The following NTN1 variants were observed in gnomAD, a reference collection of about 807,000 sequenced individuals.
The protein encoded by NTN1 is netrin-1.
Under a neutral mutation model 54.2 loss-of-function variants are expected in NTN1, and 11 were observed. The ratio of observed to expected loss-of-function variants is 0.20; its 90% CI spans 0.13 to 0.34. NTN1 has a LOEUF of 0.34. Among genes scored for constraint, NTN1 ranks in the 10% least tolerant of loss-of-function variants. The pLI, the probability that NTN1 is intolerant of heterozygous loss-of-function variation, is 1.00. For missense variants in NTN1, 740 were observed against 893.1 expected (o/e 0.83, Z 2.18); for synonymous variants, 371 against 382.0 (o/e 0.97, Z 0.33).
At chr17:9,124,595 T>A (rs1260722070) in intron 2 of NTN1, among the ~76,000 whole-genome samples, 2 of 152,216 alleles carry the variant, frequency 1.3e-5, no homozygotes, top group African/African-American at 4.8e-5. Flanking sequence ...GGGGCTCTGA[T>A]GGTGAACTGG....
At position 9,061,673 on chromosome 17, in the gene NTN1, TTTG is replaced by T. The variant is rs970860517; in HGVS notation, c.1018+38297_1018+38299del. On this transcript the variant is annotated intron_variant, in intron 2 of 6. Transcript: ENST00000173229. ...GCGATGGGCATCCAGGAGCAGTTTTTTTGTTGTTGTTGTTGTTTTTGTTTTATT... is the reference window on the plus strand; with the variant it reads ...GCGATGGGCATCCAGGAGCAGTTTTTTTGTTGTTGTTGTTTTTGTTTTATT... Among the ~76,000 whole-genome samples the T allele has an allele frequency of 4.0e-5, 6 of 151,780 alleles. No homozygotes were observed. In the East Asian group the frequency reaches 5.8e-4, roughly 15 times the overall value.
rs2277673 is a variant in NTN1 at position 9,242,701 on chromosome 17, T to C, written c.*2733T>C. On this transcript the variant is annotated 3_prime_UTR_variant, in exon 7 of 7. Transcript: ENST00000173229. ...TGCGTCAGGGTGACCAGATCCACCATGCTAGCAGCCAGGTCACTGTTGGGA... is the reference window on the plus strand; with the variant it reads ...TGCGTCAGGGTGACCAGATCCACCACGCTAGCAGCCAGGTCACTGTTGGGA... 1 of 152,416 alleles carries C rather than the reference T, an allele frequency of 6.6e-6. No individual in the cohort carries two copies. The highest frequency in any genetic ancestry group is 1.9e-4 in the East Asian group (1 of 5,162). The allele number at this position is 152,416 out of a possible 1,614,324, so 9.4% of individuals were successfully genotyped here. A position where few individuals can be genotyped will look rare whatever the true frequency, so the allele number is the denominator to read the frequency against.
chr17:9,102,661 GAC>G (rs139790501), intron 2 of NTN1, among the ~76,000 whole-genome samples: 11,429 of 152,260 alleles, frequency 0.075, 610 homozygotes, highest in Non-Finnish European at 0.11. Context: ...TTTACCAAGA[GAC>G]ATGTGTTAGG....
At chr17:9,146,850 G>T (rs2142285231) in intron 2 of NTN1, among the ~76,000 whole-genome samples, 1 of 152,308 alleles carries the variant, frequency 6.6e-6, no homozygotes, top group Admixed American at 6.5e-5. Flanking sequence ...CACTGGGGTT[G>T]CTTACTGTCC....
intron 2 of NTN1, among the ~76,000 whole-genome samples, chr17:9,043,827 G>A (rs2091931566): frequency 6.6e-6 from 1 of 151,926 alleles, no homozygotes; most frequent in Non-Finnish European, 1.5e-5. Flanking sequence ...TGATCCACCC[G>A]CCTCGGCTTC....
intron 5 of NTN1, among the ~76,000 whole-genome samples, chr17:9,202,563 G>C (rs7215049): frequency 1.3e-5 from 2 of 152,150 alleles, no homozygotes; most frequent in Admixed American, 6.5e-5. Flanking sequence ...CCGGTGGGGG[G>C]ACTTCAGTAT....
chr17:9,114,961 C>T (rs559620225), intron 2 of NTN1, among the ~76,000 whole-genome samples: 3 of 152,302 alleles, frequency 2.0e-5, no homozygotes, highest in African/African-American at 7.2e-5. Context: ...TTTCTAGAAC[C>T]TGACATGGTG....
At chr17:9,027,582 T>G (rs1225677050) in intron 2 of NTN1, among the ~76,000 whole-genome samples, 2 of 152,234 alleles carry the variant, frequency 1.3e-5, no homozygotes, top group Non-Finnish European at 2.9e-5. Context: ...GGAGAAAGGC[T>G]GGAACAACCT....
chr17:9,132,041 T>C (rs1303274090), intron 2 of NTN1, among the ~76,000 whole-genome samples: 1 of 151,972 alleles, frequency 6.6e-6, no homozygotes, highest in Non-Finnish European at 1.5e-5. Context: ...TGATGCCCAT[T>C]TGATGAATGA....
chr17:9,163,499 C>T (rs2092364961), intron 3 of NTN1, among the ~76,000 whole-genome samples: 1 of 16,116 alleles, frequency 6.2e-5, no homozygotes, highest in Non-Finnish European at 1.5e-4. Flanking sequence ...CACACACACA[C>T]ACACACACAC....
rs368315709 is a variant in NTN1 at position 9,035,147 on chromosome 17, T to C, written c.1018+11756T>C. Among the ~76,000 whole-genome samples the C allele has an allele frequency of 5.5e-3, 834 of 152,056 alleles. 2 individuals carry two copies. The highest frequency in any genetic ancestry group is 8.5e-3 in the Non-Finnish European group (578 of 67,950). On this transcript the variant is annotated intron_variant, in intron 2 of 6. Transcript: ENST00000173229. ...ATTTTTAGTAGAGACGGGGTTTCAC[T>C]GTGTTAGCCAGGATGGTCTCGATCT...
intron 2 of NTN1, among the ~76,000 whole-genome samples, chr17:9,090,631 A>AT (rs749716852): frequency 3.9e-5 from 6 of 152,100 alleles, no homozygotes; most frequent in Non-Finnish European, 8.8e-5. Flanking sequence ...GCCACTCAGG[A>AT]GACCTTGCTA....
chr17:9,222,829 A>G (rs1905405356), intron 6 of NTN1, among the ~76,000 whole-genome samples: 2 of 152,226 alleles, frequency 1.3e-5, no homozygotes, highest in African/African-American at 4.8e-5. Context: ...ATGAATGACG[A>G]GGCCCAAAGG....
At chr17:9,131,462 TC>T (rs1296868709) in intron 2 of NTN1, among the ~76,000 whole-genome samples, 3 of 152,164 alleles carry the variant, frequency 2.0e-5, no homozygotes, top group African/African-American at 7.2e-5. Context: ...ATGAAGTGCA[TC>T]CTATGTATCC....
chr17:9,057,690 C>G (rs1272593698), intron 2 of NTN1, among the ~76,000 whole-genome samples: 2 of 152,120 alleles, frequency 1.3e-5, no homozygotes, highest in Non-Finnish European at 2.9e-5. Flanking sequence ...GGATTGCTGC[C>G]CCACTGGGAA....
At chr17:9,026,553 G>T (rs545702711) in intron 2 of NTN1, among the ~76,000 whole-genome samples, 1 of 152,214 alleles carries the variant, frequency 6.6e-6, no homozygotes, top group East Asian at 1.9e-4. Context: ...CACATTCATT[G>T]TGTAAAGAAG....
At chr17:9,137,468 C>T (rs991678356) in intron 2 of NTN1, among the ~76,000 whole-genome samples, 5 of 152,256 alleles carry the variant, frequency 3.3e-5, no homozygotes, top group East Asian at 1.9e-4. Flanking sequence ...GTGCCCTATC[C>T]GTGGAGGGGG....
chr17:9,108,764 A>G (rs529933644), intron 2 of NTN1, among the ~76,000 whole-genome samples: 30 of 152,308 alleles, frequency 2.0e-4, no homozygotes, highest in Admixed American at 1.3e-3. Flanking sequence ...TGTCCTCAGC[A>G]TAGTTAGAAC....
chr17:9,028,736 A>G (rs1472875369), intron 2 of NTN1, among the ~76,000 whole-genome samples: 1 of 152,210 alleles, frequency 6.6e-6, no homozygotes, highest in East Asian at 1.9e-4. Flanking sequence ...TCTTGGGATT[A>G]AACCAACATT....
Sources: allele counts gnomAD v4.1 joint callset (sites outside exome capture counted in the v4.1 genomes callset), GRCh38; gene constraint gnomAD v4.1.1; transcripts MANE v1.5; gene names NCBI Gene and HGNC (gene_info 2026-07-23, HGNC 2026-07-21).